Variants in SYNE1 observed in about 807,000 individuals in gnomAD.
SYNE1 encodes the protein spectrin repeat containing nuclear envelope protein 1, also known as nesprin-1.
A neutral mutation model predicts 1,111.0 loss-of-function variants in SYNE1; 616 were observed. The ratio of observed to expected loss-of-function variants is 0.55; its 90% CI spans 0.52 to 0.59. The LOEUF (loss-of-function observed/expected upper bound fraction) is 0.59, where lower values mean the gene tolerates loss of function less well. Among genes scored for constraint, SYNE1 ranks in the 20% least tolerant of loss-of-function variants. The pLI is 0.00. For synonymous variants in SYNE1, 3,855 were observed against 3,825.8 expected, an observed-to-expected ratio of 1.01 and a Z score of -0.28; for missense variants, 10,006 against 10,417.0, an observed-to-expected ratio of 0.96 and a Z score of 1.72.
At position 152,122,627 on chromosome 6, in the gene SYNE1, G is replaced by A. The variant is rs775447824; in HGVS notation, c.26203C>T (p.Arg8735Trp). The A allele has an allele frequency of 5.0e-6, 8 of 1,613,998 alleles. No homozygotes were observed. The African/African-American group carries it at 5.3e-5, about 11-fold the overall frequency. ...CTGAACAGGAAGCCGCGGCCGGACCGACCTGGCCCTGGCTCAGAAAGGGAG... is the reference window on the plus strand; with the variant it reads ...CTGAACAGGAAGCCGCGGCCGGACCAACCTGGCCCTGGCTCAGAAAGGGAG... ...DSSLSEPGPGRSGRGFLFRVL... is the reference protein window; with the variant it reads ...DSSLSEPGPGWSGRGFLFRVL... The change falls in exon 146 of 146, where the codon CGG becomes TGG. Residue 8735 changes from arginine (R) to tryptophan (W), a missense_variant. Transcript: ENST00000367255.
At chr6:152,163,501 GAA>G (rs35413195) in intron 131 of SYNE1, among the ~76,000 whole-genome samples, 4 of 114,660 alleles carry the variant, frequency 3.5e-5, no homozygotes, top group Non-Finnish European at 7.0e-5. Context: ...TCTGTCTCAG[GAA>G]AAAAAAAAAA....
chr6:152,168,018 A>G (rs761951818), intron 130 of SYNE1: 1 of 780,032 alleles, frequency 1.3e-6, no homozygotes, highest in South Asian at 1.3e-5. Flanking sequence ...ACATTGGCAA[A>G]AACAGTTCTG....
At chr6:152,157,878 C>A (rs1469291335) in intron 131 of SYNE1, among the ~76,000 whole-genome samples, 1 of 152,154 alleles carries the variant, frequency 6.6e-6, no homozygotes, top group East Asian at 1.9e-4. Context: ...CCTGCCTCAG[C>A]CTCCTGAGTA....
chr6:152,206,682 T>A (rs900757964), intron 125 of SYNE1, among the ~76,000 whole-genome samples: 4 of 152,032 alleles, frequency 2.6e-5, no homozygotes, highest in Non-Finnish European at 5.9e-5. Flanking sequence ...CAGTAAAGGC[T>A]GAATGTGTCT....
At chr6:152,272,500 T>C (rs1368482400) in intron 98 of SYNE1, among the ~76,000 whole-genome samples, 1 of 152,194 alleles carries the variant, frequency 6.6e-6, no homozygotes, top group Non-Finnish European at 1.5e-5. Context: ...TTTTTATTAT[T>C]TTATGGGGCA....
At chr6:152,344,593 C>A (rs2096598610) in intron 73 of SYNE1, among the ~76,000 whole-genome samples, 1 of 152,126 alleles carries the variant, frequency 6.6e-6, no homozygotes. Flanking sequence ...AAATATTGCA[C>A]TTTTTGTTTA....
chr6:152,438,644 T>C (rs756964725), intron 32 of SYNE1, among the ~76,000 whole-genome samples: 31 of 152,172 alleles, frequency 2.0e-4, no homozygotes, highest in Admixed American at 8.5e-4. Context: ...CCTTTCTTCA[T>C]CACTAAAGCC....
At chr6:152,319,453 A>G (rs1043031144) in intron 84 of SYNE1, among the ~76,000 whole-genome samples, 2 of 152,052 alleles carry the variant, frequency 1.3e-5, no homozygotes, top group African/African-American at 4.8e-5. Context: ...TTAATAAATG[A>G]CTCTTAATGA....
At chr6:152,327,665 G>T (rs1272260155) in intron 78 of SYNE1, among the ~76,000 whole-genome samples, 1 of 152,194 alleles carries the variant, frequency 6.6e-6, no homozygotes, top group East Asian at 1.9e-4. Context: ...CAGGAACCAT[G>T]ACCTTTAGTT....
At chr6:152,434,531 T>A (rs1410629507) in intron 33 of SYNE1, 1 of 152,492 alleles carries the variant, frequency 6.6e-6, no homozygotes, top group Non-Finnish European at 1.5e-5. Context: ...TTTTCATAAA[T>A]GTCTTATGGT....
At chr6:152,468,364 T>C (rs1440356053) in intron 16 of SYNE1, among the ~76,000 whole-genome samples, 1 of 152,214 alleles carries the variant, frequency 6.6e-6, no homozygotes, top group East Asian at 1.9e-4. Flanking sequence ...GCTGTTTTTT[T>C]TTCTTTCATG....
At chr6:152,362,344 C>T in intron 63 of SYNE1, 21 bp from the exon 64 acceptor site, 1 of 1,614,092 alleles carries the variant, frequency 6.2e-7, no homozygotes, top group Non-Finnish European at 8.5e-7. Context: ...TTTGAAAGGA[C>T]AATAAATCCA....
At chr6:152,158,188 T>C (rs1190807576) in intron 131 of SYNE1, among the ~76,000 whole-genome samples, 3 of 152,242 alleles carry the variant, frequency 2.0e-5, no homozygotes, top group African/African-American at 7.2e-5. Flanking sequence ...TTGTATGTTG[T>C]TTTCTCTATT....
intron 59 of SYNE1, among the ~76,000 whole-genome samples, chr6:152,370,926 C>T (rs1288856962): frequency 6.6e-6 from 1 of 152,156 alleles, no homozygotes; most frequent in South Asian, 2.1e-4. Context: ...AAGTTAGTAT[C>T]TCACAAATGT....
rs2098471374 is a variant in SYNE1, at chr6:152,436,063, A to G, written c.4188T>C (p.Ala1396=). The part of the protein sequence containing the change: ...SKRTESIAVQ[A]ENLVKEASEI... ...CTGAAGCTTCCTTTACAAGGTTCTC[A>G]GCCTGGACTGCAATACTTTCTGTCC... is the stretch of plus-strand genomic sequence containing the variant. Residue 1396 remains alanine, a synonymous_variant, in exon 33 of 146, where the codon GCT becomes GCC. Transcript: ENST00000367255. 1 of 1,613,988 alleles carries G rather than the reference A, an allele frequency of 6.2e-7. No homozygotes were observed.
At chr6:152,577,322 A>G (rs901616974) in intron 3 of SYNE1, among the ~76,000 whole-genome samples, 2 of 152,220 alleles carry the variant, frequency 1.3e-5, no homozygotes, top group Non-Finnish European at 2.9e-5. Context: ...TGACATCGTT[A>G]CTGCATTTTA....
intron 100 of SYNE1, among the ~76,000 whole-genome samples, chr6:152,264,098 A>T (rs942968284): frequency 3.4e-5 from 5 of 148,040 alleles, no homozygotes; most frequent in Non-Finnish European, 7.4e-5. Flanking sequence ...TGTCCCAGCT[A>T]CTCGGGAGGC....
chr6:152,475,014 A>G (rs764970868), intron 14 of SYNE1, among the ~76,000 whole-genome samples: 1 of 152,200 alleles, frequency 6.6e-6, no homozygotes, highest in Non-Finnish European at 1.5e-5. Flanking sequence ...ATAAATGTGA[A>G]TAAAGTAGAA....
intron 3 of SYNE1, among the ~76,000 whole-genome samples, chr6:152,585,377 A>G (rs916439874): frequency 6.6e-6 from 1 of 152,272 alleles, no homozygotes; most frequent in Admixed American, 6.5e-5. Context: ...CTAGTTTTGC[A>G]TGCAAATGCA....
Sources: gnomAD v4.1 joint callset for allele counts (sites outside exome capture counted in the v4.1 genomes callset) on GRCh38, gnomAD v4.1.1 for gene constraint, MANE v1.5 for transcripts, NCBI Gene and HGNC (gene_info 2026-07-23, HGNC 2026-07-21) for gene names.